SUGCT: variants seen among roughly 807,000 people sequenced by gnomAD.
The protein encoded by SUGCT is succinyl-CoA:glutarate CoA-transferase.
A neutral mutation model predicts 55.0 loss-of-function variants in SUGCT; 41 were observed. That is an observed-to-expected ratio of 0.74 (90% CI 0.58 to 0.97). The LOEUF (loss-of-function observed/expected upper bound fraction) is 0.97. Ranked by LOEUF, SUGCT falls within the 50% of genes least tolerant of loss-of-function variation. The pLI is 0.00. For synonymous variants in SUGCT, 187 were observed against 200.4 expected (o/e 0.93, Z 0.56); for missense variants, 568 against 547.8 (o/e 1.04, Z -0.37).
chr7:40,192,001 G>A (rs1785940588), intron 5 of SUGCT, among the ~76,000 whole-genome samples: 1 of 151,814 alleles, frequency 6.6e-6, no homozygotes, highest in Non-Finnish European at 1.5e-5. Flanking sequence ...CCAGCTACTT[G>A]GGAGGCTGAG....
At chr7:40,565,322 C>G (rs1396799166) in intron 12 of SUGCT, among the ~76,000 whole-genome samples, 2 of 152,144 alleles carry the variant, frequency 1.3e-5, no homozygotes, top group African/African-American at 4.8e-5. Context: ...GTGGAATACA[C>G]TGATGACTTG....
intron 1 of SUGCT, chr7:40,141,908 T>C: frequency 3.0e-6 from 1 of 330,852 alleles, no homozygotes. Context: ...GGGGAAGGGG[T>C]TCTTATCCCT....
chr7:40,303,247 T>C (rs1455554503), intron 8 of SUGCT, among the ~76,000 whole-genome samples: 1 of 152,042 alleles, frequency 6.6e-6, no homozygotes, highest in Non-Finnish European at 1.5e-5. Context: ...TTGACCAGGC[T>C]GGTCTTGGAC....
intron 13 of SUGCT, among the ~76,000 whole-genome samples, chr7:40,856,227 G>A (rs1295663185): frequency 3.3e-5 from 5 of 152,192 alleles, no homozygotes; most frequent in African/African-American, 9.7e-5. Flanking sequence ...CCATTCATTA[G>A]TGATGATCCC....
intron 12 of SUGCT, among the ~76,000 whole-genome samples, chr7:40,666,317 C>A: frequency 6.8e-6 from 1 of 146,958 alleles, no homozygotes; most frequent in Non-Finnish European, 1.5e-5. Flanking sequence ...ACCTTGCACT[C>A]CAGCCTGGTG....
At position 40,258,970 on chromosome 7, in the gene SUGCT, C is replaced by G. The variant is rs141756346; in HGVS notation, c.577-15543C>G. The stretch of plus-strand genomic sequence containing the variant: ...CATGGTATATATACGTAATGGAATA[C>G]TATTCAGCCTTAGAAAAAACAAGGA... On this transcript the variant is annotated intron_variant, in intron 7 of 13. Coordinates refer to ENST00000335693, the MANE Select transcript of SUGCT (RefSeq NM_001193313.2). Among the ~76,000 whole-genome samples, 335 of 152,296 alleles carry G rather than the reference C, an allele frequency of 2.2e-3. 1 individual carries two copies. Among genetic ancestry groups the G allele is most frequent in the Non-Finnish European group, 3.8e-3 (257 of 68,038 alleles).
chr7:40,609,740 A>G (rs1798689164), intron 12 of SUGCT, among the ~76,000 whole-genome samples: 1 of 152,214 alleles, frequency 6.6e-6, no homozygotes, highest in South Asian at 2.1e-4. Context: ...CCGATCCAGC[A>G]CATGTTTACT....
intron 12 of SUGCT, among the ~76,000 whole-genome samples, chr7:40,614,149 A>T (rs994788544): frequency 6.6e-6 from 1 of 151,624 alleles, no homozygotes; most frequent in Non-Finnish European, 1.5e-5. Flanking sequence ...TAACTACATT[A>T]TCCAATTGAC....
chr7:40,923,327 G>A, the SUGCT span, among the ~76,000 whole-genome samples: 13 of 152,090 alleles, frequency 8.5e-5, no homozygotes, highest in African/African-American at 2.7e-4. Context: ...CATTTATTCT[G>A]AAAAAATGCC....
intron 1 of SUGCT, among the ~76,000 whole-genome samples, chr7:40,164,964 A>G (rs1304841999): frequency 6.6e-6 from 1 of 152,196 alleles, no homozygotes; most frequent in Non-Finnish European, 1.5e-5. Context: ...CTCCACTCCT[A>G]AAATTTCCTA....
intron 12 of SUGCT, among the ~76,000 whole-genome samples, chr7:40,676,998 C>A (rs1289714909): frequency 1.3e-5 from 2 of 151,722 alleles, no homozygotes; most frequent in African/African-American, 4.8e-5. Flanking sequence ...TCATTCACCT[C>A]CCATGTGAGT....
chr7:40,872,542 A>C, the SUGCT span, among the ~76,000 whole-genome samples: 1 of 152,220 alleles, frequency 6.6e-6, no homozygotes, highest in Non-Finnish European at 1.5e-5. Flanking sequence ...TCCAAGCGAC[A>C]CTGACCAGGC....
chr7:40,181,243 G>A (rs2150708242), intron 2 of SUGCT, among the ~76,000 whole-genome samples: 1 of 151,864 alleles, frequency 6.6e-6, no homozygotes, highest in East Asian at 1.9e-4. Context: ...ATTGAAATTA[G>A]TTTTACCCAT....
rs1796533477 is a variant in SUGCT at position 40,572,930 on chromosome 7, G to T, written c.1089+76544G>T. ...CACGCGGAGGCATGTGATTCATCTT[G>T]ACGTCATCTGTCCTCTGCGTTATTT... On this transcript the variant is annotated intron_variant, in intron 12 of 13. Coordinates refer to ENST00000335693, the MANE Select transcript of SUGCT (RefSeq NM_001193313.2). Among the ~76,000 whole-genome samples, 3 of 152,304 alleles carry T rather than the reference G, an allele frequency of 2.0e-5. No individual in the cohort carries two copies. In the South Asian group the frequency reaches 6.2e-4, roughly 32 times the overall value.
At chr7:40,370,347 G>A (rs561458119) in intron 9 of SUGCT, among the ~76,000 whole-genome samples, 1 of 152,232 alleles carries the variant, frequency 6.6e-6, no homozygotes, top group Admixed American at 6.5e-5. Context: ...GTAGGGCCCT[G>A]CACTGTAGCT....
the SUGCT span, among the ~76,000 whole-genome samples, chr7:40,986,240 C>G: frequency 6.6e-6 from 1 of 152,152 alleles, no homozygotes; most frequent in East Asian, 1.9e-4. Flanking sequence ...TATTTAAGAA[C>G]CCCTTTCAAA....
intron 12 of SUGCT, among the ~76,000 whole-genome samples, chr7:40,542,190 T>C (rs1794726149): frequency 6.6e-6 from 1 of 152,208 alleles, no homozygotes; most frequent in Non-Finnish European, 1.5e-5. Context: ...ATGCATAGTA[T>C]CTAATTCATC....
chr7:41,038,152 C>T, the SUGCT span, among the ~76,000 whole-genome samples: 44 of 152,244 alleles, frequency 2.9e-4, no homozygotes, highest in Middle Eastern at 3.4e-3. Context: ...CCTGCCTGCC[C>T]GGAGCTGGGA....
At chr7:40,456,765 G>A (rs1265189057) in intron 10 of SUGCT, among the ~76,000 whole-genome samples, 1 of 152,092 alleles carries the variant, frequency 6.6e-6, no homozygotes, top group East Asian at 1.9e-4. Context: ...CAAAGGAATA[G>A]CTATTTTAAA....
Sources: gnomAD v4.1 joint callset for allele counts (sites outside exome capture counted in the v4.1 genomes callset) on GRCh38, gnomAD v4.1.1 for gene constraint, MANE v1.5 for transcripts, NCBI Gene and HGNC (gene_info 2026-07-23, HGNC 2026-07-21) for gene names.